Variants in PCDH7 observed in about 807,000 individuals in gnomAD.
PCDH7 encodes protocadherin-7.
Under a neutral mutation model 58.9 loss-of-function variants are expected in PCDH7, and 17 were observed. The observed-to-expected ratio is 0.29, with a 90% CI of 0.20 to 0.43. The LOEUF is 0.43. Among genes scored for constraint, PCDH7 ranks in the 20% least tolerant of loss-of-function variants. PCDH7 has a pLI of 1.00. For synonymous variants in PCDH7, 664 were observed against 616.4 expected, an observed-to-expected ratio of 1.08 and a Z score of -1.14; for missense variants, 1,274 against 1,441.0, an observed-to-expected ratio of 0.88 and a Z score of 1.88.
At chr4:31,019,761 A>T (rs1302452806) in intron 3 of PCDH7, among the ~76,000 whole-genome samples, 2 of 151,972 alleles carry the variant, frequency 1.3e-5, no homozygotes, top group African/African-American at 4.8e-5. Flanking sequence ...CCATTCATTA[A>T]AGACACATAT....
At chr4:30,960,142 G>GAAGC (rs1560535243) in intron 3 of PCDH7, among the ~76,000 whole-genome samples, 1 of 108,444 alleles carries the variant, frequency 9.2e-6, no homozygotes. Flanking sequence ...AGGAAGGAAG[G>GAAGC]AAGGAAGGAA....
intron 3 of PCDH7, among the ~76,000 whole-genome samples, chr4:31,000,243 A>G (rs918689719): frequency 2.6e-5 from 4 of 152,098 alleles, no homozygotes; most frequent in African/African-American, 9.7e-5. Flanking sequence ...GTCAATTTTA[A>G]CGTTTAGAAA....
chr4:31,028,754 T>C (rs1007308974), intron 3 of PCDH7, among the ~76,000 whole-genome samples: 1 of 152,152 alleles, frequency 6.6e-6, no homozygotes, highest in Non-Finnish European at 1.5e-5. Context: ...TTCTTCATGA[T>C]GGATAATGCA....
rs539628876 is a variant in PCDH7 at position 30,992,153 on chromosome 4, T to C, written c.*7+41938T>C. Among the ~76,000 whole-genome samples, 4 of 152,348 alleles carry C rather than the reference T, an allele frequency of 2.6e-5. No individual in the cohort carries two copies. In the East Asian group the frequency reaches 7.7e-4, roughly 29 times the overall value. On this transcript the variant is annotated intron_variant, in intron 3 of 3. Coordinates refer to the PCDH7 transcript ENST00000509759. Reference sequence around the variant, plus strand: ...GTTGAAGATAAATGAACTAGTAATATAAAGCAGGGAGCATTGTGCTTGGCT... The same window carrying C: ...GTTGAAGATAAATGAACTAGTAATACAAAGCAGGGAGCATTGTGCTTGGCT...
intron 1 of PCDH7, among the ~76,000 whole-genome samples, chr4:30,819,935 C>A (rs1240267232): frequency 6.6e-6 from 1 of 152,096 alleles, no homozygotes; most frequent in Non-Finnish European, 1.5e-5. Context: ...AGATAGGAAA[C>A]ATGTCCTGCC....
chr4:30,959,328 A>T (rs1296834325), intron 3 of PCDH7, among the ~76,000 whole-genome samples: 2 of 152,072 alleles, frequency 1.3e-5, no homozygotes, highest in Non-Finnish European at 2.9e-5. Flanking sequence ...TATGTGATTT[A>T]CACAGTACCA....
chr4:30,949,339 A>G (rs965054451), intron 2 of PCDH7, among the ~76,000 whole-genome samples: 5 of 152,132 alleles, frequency 3.3e-5, no homozygotes, highest in Admixed American at 3.3e-4. Context: ...AGAGAAAAAA[A>G]TTGTACCAGT....
In PCDH7 at chr4:30,810,423, A is replaced by C. The variant is rs1482214506; in HGVS notation, c.70+85827A>C. On this transcript the variant is annotated intron_variant, in intron 1 of 3. Coordinates refer to the PCDH7 transcript ENST00000509759. ...ATCTGCACTTAATATAATACATTTC[A>C]TTTTTTAGCTTTTTTTTTTGCTTTT... Among the ~76,000 whole-genome samples the C allele has an allele frequency of 3.2e-5, 3 of 93,444 alleles. No homozygotes were observed. The East Asian group carries it at 1.0e-3, about 32-fold the overall frequency. 61.3% of individuals were successfully genotyped at this position (93,444 alleles called of 152,430 possible).
At chr4:30,740,164 TCTCTCTGCCACTG>T (rs570645161) in intron 1 of PCDH7, among the ~76,000 whole-genome samples, 164 of 152,288 alleles carry the variant, frequency 1.1e-3, no homozygotes, top group African/African-American at 3.9e-3. Flanking sequence ...CAGAGGCCAC[TCTCTCTGCCACTG>T]TGCATATATG....
At chr4:31,111,415 C>T (rs1212396773) in intron 3 of PCDH7, among the ~76,000 whole-genome samples, 4 of 151,846 alleles carry the variant, frequency 2.6e-5, no homozygotes, top group Non-Finnish European at 5.9e-5. Flanking sequence ...TCAAGCGATT[C>T]TCCCTGCTTC....
chr4:30,751,810 T>A (rs1333070767), intron 1 of PCDH7, among the ~76,000 whole-genome samples: 1 of 152,188 alleles, frequency 6.6e-6, no homozygotes, highest in African/African-American at 2.4e-5. Context: ...TATACATTTT[T>A]TCCAGTAATA....
rs1039541640 is a variant in PCDH7, at chr4:31,039,712, G to T, written c.*7+89497G>T. ...TCTAACTTTTCTAGAAGAGCAACTG[G>T]AAGACTTATGTTTTTTCTAACTGTT... On this transcript the variant is annotated intron_variant, in intron 3 of 3. Transcript: ENST00000509759. Among the ~76,000 whole-genome samples, 4 of 152,250 alleles carry T rather than the reference G, an allele frequency of 2.6e-5. No homozygotes were observed. In the East Asian group the frequency reaches 7.7e-4, roughly 29 times the overall value.
At chr4:30,858,917 G>A (rs1005393796) in intron 1 of PCDH7, among the ~76,000 whole-genome samples, 3 of 152,088 alleles carry the variant, frequency 2.0e-5, no homozygotes, top group Admixed American at 1.3e-4. Flanking sequence ...TCATTTGGTA[G>A]TGGAAATAAC....
chr4:30,892,782 GA>G (rs1738795226), intron 1 of PCDH7, among the ~76,000 whole-genome samples: 1 of 151,992 alleles, frequency 6.6e-6, no homozygotes, highest in African/African-American at 2.4e-5. Flanking sequence ...AAATAACAAA[GA>G]AGGAATCTAA....
At chr4:30,930,554 T>C (rs971611018) in intron 2 of PCDH7, among the ~76,000 whole-genome samples, 3 of 152,160 alleles carry the variant, frequency 2.0e-5, no homozygotes, top group South Asian at 2.1e-4. Context: ...AGTGACGTTA[T>C]CCAAACAGAA....
At chr4:31,097,523 G>A (rs113094005) in intron 3 of PCDH7, among the ~76,000 whole-genome samples, 2,920 of 57,700 alleles carry the variant, frequency 0.051, 171 homozygotes, top group African/African-American at 0.2. Flanking sequence ...AAAGAAAGAA[G>A]AAAGAAAGAA....
chr4:31,105,809 C>T (rs531382773), intron 3 of PCDH7, among the ~76,000 whole-genome samples: 1 of 152,060 alleles, frequency 6.6e-6, no homozygotes, highest in South Asian at 2.1e-4. Flanking sequence ...AGATCGAGAC[C>T]ATCCTGGCTA....
rs13129985 is a variant in PCDH7 at position 31,065,625 on chromosome 4, G to T, written c.*8-76848G>T. On this transcript the variant is annotated intron_variant, in intron 3 of 3. Coordinates refer to the PCDH7 transcript ENST00000509759. The stretch of plus-strand genomic sequence containing the variant: ...TGCATATAATAGACATCTAACAAAT[G>T]AGCATTAAGTCAATCAGCACGTACC... Among the ~76,000 whole-genome samples, 1,074 of 152,024 alleles carry T rather than the reference G, an allele frequency of 7.1e-3. 3 individuals carry two copies. Among genetic ancestry groups the T allele is most frequent in the Non-Finnish European group, 0.012 (795 of 67,908 alleles).
chr4:31,135,047 A>T lies in PCDH7; in HGVS notation c.*8-7426A>T, dbSNP rs376720803. ...TGGAAGAATTTCATGTCCATGCATC[A>T]TGAAATCTTCATAGCTCATGCTGAA... On this transcript the variant is annotated intron_variant, in intron 3 of 3. Coordinates refer to the PCDH7 transcript ENST00000509759. Among the ~76,000 whole-genome samples the T allele has an allele frequency of 7.9e-5, 12 of 152,244 alleles. No individual in the cohort carries two copies. The East Asian group carries it at 2.3e-3, about 29-fold the overall frequency.
Sources: allele counts gnomAD v4.1 joint callset (sites outside exome capture counted in the v4.1 genomes callset), GRCh38; gene constraint gnomAD v4.1.1; transcripts MANE v1.5; gene names NCBI Gene and HGNC (gene_info 2026-07-23, HGNC 2026-07-21).